MAP9: variants seen among roughly 807,000 people sequenced by gnomAD.
MAP9 encodes microtubule associated protein 9.
Under a neutral mutation model 75.2 loss-of-function variants are expected in MAP9, and 80 were observed. The ratio of observed to expected loss-of-function variants is 1.06; its 90% CI spans 0.89 to 1.28. The LOEUF (loss-of-function observed/expected upper bound fraction) is 1.28. Among genes scored for constraint, MAP9 ranks in the 50% most tolerant of loss-of-function variants. MAP9 has a pLI of 0.00. For missense variants in MAP9, 753 were observed against 719.9 expected, an observed-to-expected ratio of 1.05 and a Z score of -0.53; for synonymous variants, 235 against 237.3, an observed-to-expected ratio of 0.99 and a Z score of 0.09.
chr4:155,370,778 T>C (rs774183220), intron 4 of MAP9, among the ~76,000 whole-genome samples: 4 of 152,208 alleles, frequency 2.6e-5, no homozygotes, highest in Non-Finnish European at 5.9e-5. Context: ...CCCGCATGAC[T>C]GATACTTTAT....
chr4:155,362,342 C>G (rs1445775009), intron 5 of MAP9: 1 of 430,164 alleles, frequency 2.3e-6, no homozygotes, highest in Non-Finnish European at 4.0e-6. Context: ...ATGTCTTGGT[C>G]ATTAAAAGGG....
Position 155,375,911 on chromosome 4 carries a change from G to T in MAP9, c.-61C>A. 1 of 1,085,034 alleles carries T rather than the reference G, an allele frequency of 9.2e-7. No homozygotes were observed. Among genetic ancestry groups the T allele is most frequent in the Non-Finnish European group, 1.4e-6 (1 of 717,036 alleles). The allele number at this position is 1,085,034 out of a possible 1,614,324, so 67.2% of individuals were successfully genotyped here. On this transcript the variant is annotated 5_prime_UTR_variant, in exon 2 of 14. Transcript: ENST00000311277. ...AATTATTAGAATTCAACTTCTGATA[G>T]TAGCTGAAATATACAAAACAAATCA...
intron 5 of MAP9, chr4:155,367,310 G>C (rs1454915723): frequency 6.6e-6 from 1 of 152,246 alleles, no homozygotes; most frequent in Non-Finnish European, 1.5e-5. Context: ...GATGAAGGCA[G>C]AGAAGGGAAT....
chr4:155,350,163 TA>T (rs1448270026), intron 13 of MAP9: 1 of 418,478 alleles, frequency 2.4e-6, no homozygotes, highest in Non-Finnish European at 4.7e-6. Context: ...AGTTTGTATA[TA>T]AAAAGCTTGA....
intron 3 of MAP9, 94 bp downstream of exon 3, chr4:155,374,843 G>A (rs1320737501): frequency 4.5e-6 from 3 of 663,102 alleles, no homozygotes; most frequent in Non-Finnish European, 7.4e-6. Flanking sequence ...TAACATACGT[G>A]ATTGAGGGGA....
chr4:155,357,895 TG>T (rs991820748), intron 7 of MAP9, among the ~76,000 whole-genome samples: 44 of 150,508 alleles, frequency 2.9e-4, no homozygotes, highest in African/African-American at 1.1e-3. Context: ...AAACAGCAAG[TG>T]GGTAAAAGCC....
In MAP9 at chr4:155,360,134, C is replaced by A. The variant is rs1379724239; in HGVS notation, c.1050+34G>T. On this transcript the variant is annotated intron_variant, in intron 7 of 13. Coordinates refer to ENST00000311277, the MANE Select transcript of MAP9 (RefSeq NM_001039580.2). ...TTAAAGTTCTATTTCAAGTTTTAAG[C>A]TGTAGTATGAAAAGTATGAATTTTT... The A allele has an allele frequency of 4.4e-6, 7 of 1,581,668 alleles. No individual in the cohort carries two copies. The East Asian group carries it at 1.6e-4, about 36-fold the overall frequency.
intron 1 of MAP9, 82 bp from the exon 2 acceptor site, chr4:155,375,996 C>A: frequency 1.8e-6 from 1 of 549,978 alleles, no homozygotes; most frequent in Non-Finnish European, 3.2e-6. Context: ...CCACAAAGGT[C>A]AAAGAAAAGC....
intron 8 of MAP9, among the ~76,000 whole-genome samples, chr4:155,356,428 T>G (rs1731791213): frequency 6.6e-6 from 1 of 152,264 alleles, no homozygotes; most frequent in South Asian, 2.1e-4. Flanking sequence ...TTTTATAACT[T>G]TAAGTTATAT....
At chr4:155,372,962 A>T (rs1421794521) in intron 4 of MAP9, 174 bp downstream of exon 4, 3 of 487,832 alleles carry the variant, frequency 6.1e-6, no homozygotes, top group Non-Finnish European at 1.1e-5. Context: ...AGTTAGACAA[A>T]ATACAACAGG....
intron 5 of MAP9, among the ~76,000 whole-genome samples, chr4:155,366,553 G>A (rs563839267): frequency 6.6e-6 from 1 of 152,034 alleles, no homozygotes; most frequent in Admixed American, 6.6e-5. Context: ...TCTTAAAAAC[G>A]TTTAATAAAA....
intron 5 of MAP9, chr4:155,367,133 C>T (rs1732366180): frequency 6.6e-6 from 1 of 152,122 alleles, no homozygotes; most frequent in Non-Finnish European, 1.5e-5. Context: ...TCATCCAGAA[C>T]CTCAAAATAC....
chr4:155,360,455 G>C, intron 6 of MAP9, 40 bp from the exon 7 acceptor site: 2 of 1,562,440 alleles, frequency 1.3e-6, no homozygotes, highest in Non-Finnish European at 1.7e-6. Context: ...ACCCCCTTCT[G>C]AATTAATAAG....
At chr4:155,368,562 C>T in intron 5 of MAP9, 24 bp downstream of exon 5, 1 of 1,541,756 alleles carries the variant, frequency 6.5e-7, no homozygotes, top group South Asian at 1.1e-5. Flanking sequence ...GAACACAATT[C>T]AACAGTTTAG....
At chr4:155,372,706 A>C (rs1732655042) in intron 4 of MAP9, among the ~76,000 whole-genome samples, 1 of 152,226 alleles carries the variant, frequency 6.6e-6, no homozygotes. Context: ...TGGTATGGCA[A>C]AGACTGTTAG....
intron 7 of MAP9, among the ~76,000 whole-genome samples, chr4:155,359,208 T>TACACAC (rs747371949): frequency 1.1e-5 from 1 of 89,638 alleles, no homozygotes; most frequent in Non-Finnish European, 2.2e-5. Context: ...AGAAAATGTG[T>TACACAC]ATACACACAC....
At position 155,374,987 on chromosome 4, in the gene MAP9, G is replaced by C; in HGVS notation, c.110C>G (p.Ala37Gly). The change falls in exon 3 of 14, where the codon GCC becomes GGC. Residue 37 changes from alanine to glycine, a missense_variant. Physicochemically the swap from Ala to Gly is moderately conservative, Grantham distance 60. Transcript: ENST00000311277. ...TGAGTATTCAGAACTCCTTTGTCTG[G>C]CTGAGCGAGCTGTAATTGCTCTTAT... ...ELIRAITARS[A>G]RQRSSEYSDD... The C allele has an allele frequency of 1.3e-6, 2 of 1,588,368 alleles. No individual in the cohort carries two copies. The highest frequency in any genetic ancestry group is 1.3e-5 in the African/African-American group (1 of 74,808).
At position 155,368,714 on chromosome 4, in the gene MAP9, G is replaced by C; in HGVS notation, c.580C>G (p.Leu194Val). 1 of 1,614,032 alleles carries C rather than the reference G, an allele frequency of 6.2e-7. No individual in the cohort carries two copies. Among genetic ancestry groups the C allele is most frequent in the Non-Finnish European group, 8.5e-7 (1 of 1,179,900 alleles). ...KKSHMEEKDG[L>V]EDKETALSEE... ...CTGAGGGCAGTTTCTTTATCTTCTA[G>C]TCCATCCTTCTCCTCCATGTGACTT... Residue 194 changes from leucine (L) to valine (V), a missense_variant, in exon 5 of 14, where the codon CTA becomes GTA. Leu to Val is a conservative substitution (Grantham distance 32). Transcript: ENST00000311277.
Position 155,342,671 on chromosome 4 carries a change from AT to A in MAP9, c.*5111del, listed in dbSNP as rs1731157506. Reference sequence around the variant, plus strand: ...AAAGGCATCTAGTTTTATTTATAACATTTCCTTTATTTATCAACAGCAACGA... The same window carrying A: ...AAAGGCATCTAGTTTTATTTATAACATTCCTTTATTTATCAACAGCAACGA... On this transcript the variant is annotated 3_prime_UTR_variant, in exon 14 of 14. Transcript: ENST00000311277. 6.6e-6 allele frequency: 1 copy of A among 152,018 alleles called. No homozygotes were observed. The highest frequency in any genetic ancestry group is 2.4e-5 in the African/African-American group (1 of 41,414). The allele number at this position is 152,018 out of a possible 1,614,324, so 9.4% of individuals were successfully genotyped here. A position where few individuals can be genotyped will look rare whatever the true frequency, so the allele number is the denominator to read the frequency against.
Sources: gnomAD v4.1 joint callset for allele counts (sites outside exome capture counted in the v4.1 genomes callset) on GRCh38, gnomAD v4.1.1 for gene constraint, MANE v1.5 for transcripts, NCBI Gene and HGNC (gene_info 2026-07-23, HGNC 2026-07-21) for gene names.